Variants in DENND5B observed in about 807,000 individuals in gnomAD.
DENND5B encodes the protein DENN domain containing 5B, also known as DENN domain-containing protein 5B.
A neutral mutation model predicts 140.6 loss-of-function variants in DENND5B; 34 were observed. The observed-to-expected ratio is 0.24, with a 90% CI of 0.18 to 0.32. The LOEUF (loss-of-function observed/expected upper bound fraction) is 0.32, where lower values mean the gene tolerates loss of function less well. Among genes scored for constraint, DENND5B ranks in the 10% least tolerant of loss-of-function variants. The pLI is 1.00. For missense variants in DENND5B, 1,142 were observed against 1,560.2 expected (o/e 0.73, Z 4.52); for synonymous variants, 551 against 562.1 (o/e 0.98, Z 0.28).
intron 14 of DENND5B, among the ~76,000 whole-genome samples, chr12:31,408,239 C>T (rs1413872525): frequency 1.3e-5 from 2 of 152,040 alleles, no homozygotes; most frequent in African/African-American, 4.8e-5. Context: ...ACGGAGGTTG[C>T]AGTGAGCTGA....
At chr12:31,579,800 G>GGAGAGAA (rs1218154645) in intron 1 of DENND5B, among the ~76,000 whole-genome samples, 51 of 148,770 alleles carry the variant, frequency 3.4e-4, no homozygotes, top group African/African-American at 9.4e-4. Flanking sequence ...GAGGGAGGGA[G>GGAGAGAA]GAGAGAAGAG....
intron 7 of DENND5B, among the ~76,000 whole-genome samples, chr12:31,435,853 G>A (rs780560483): frequency 2.0e-5 from 3 of 152,046 alleles, no homozygotes; most frequent in Non-Finnish European, 2.9e-5. Context: ...TAGAGATGGG[G>A]TTTCACCATG....
At chr12:31,501,468 A>T (rs532445051) in intron 1 of DENND5B, among the ~76,000 whole-genome samples, 6 of 152,336 alleles carry the variant, frequency 3.9e-5, no homozygotes, top group African/African-American at 1.4e-4. Flanking sequence ...AATATTAAGT[A>T]AAAACTAAAG....
intron 7 of DENND5B, among the ~76,000 whole-genome samples, chr12:31,437,145 C>G (rs4931492): frequency 0.63 from 85,352 of 135,904 alleles, 24,778 homozygotes; most frequent in East Asian, 0.85. Context: ...CCTGCCCCCC[C>G]CTTTTTTTTT....
At chr12:31,501,153 G>A (rs1002509098) in intron 1 of DENND5B, among the ~76,000 whole-genome samples, 23 of 152,110 alleles carry the variant, frequency 1.5e-4, no homozygotes, top group African/African-American at 5.3e-4. Context: ...CCCACACACC[G>A]TGGGAGGGAC....
intron 1 of DENND5B, among the ~76,000 whole-genome samples, chr12:31,563,748 G>T (rs1371880728): frequency 1.3e-5 from 2 of 152,090 alleles, no homozygotes; most frequent in African/African-American, 4.8e-5. Context: ...TAAGAAACAT[G>T]CAAATGCCTT....
rs554410313 is a variant in DENND5B at position 31,494,767 on chromosome 12, C to T, written c.237+1043G>A. 5.3e-5 allele frequency among the ~76,000 whole-genome samples: 8 copies of T among 152,264 alleles called. No homozygotes were observed. In the South Asian group the frequency reaches 1.2e-3, roughly 24 times the overall value. On this transcript the variant is annotated intron_variant, in intron 2 of 20. Transcript: ENST00000389082. ...TCCTCCCACAACCAAACAGACTGAT[C>T]GTGGGCCATTACTTCATTTACATAG...
intron 4 of DENND5B, among the ~76,000 whole-genome samples, chr12:31,456,333 A>G (rs1401549277): frequency 1.8e-5 from 2 of 112,446 alleles, no homozygotes; most frequent in African/African-American, 5.7e-5. Flanking sequence ...CCGTCTCAAA[A>G]AAAAAAAAAA....
intron 3 of DENND5B, among the ~76,000 whole-genome samples, chr12:31,473,773 T>C (rs770194408): frequency 2.0e-5 from 3 of 152,180 alleles, no homozygotes; most frequent in Non-Finnish European, 4.4e-5. Flanking sequence ...AACACTCTAA[T>C]GGGAGAGGAC....
In DENND5B at chr12:31,452,446, G is replaced by C. The variant is rs1265393590; in HGVS notation, c.1123C>G (p.His375Asp). 1.2e-6 allele frequency: 2 copies of C among 1,604,908 alleles called. No individual in the cohort carries two copies. Among genetic ancestry groups the C allele is most frequent in the African/African-American group, 2.7e-5 (2 of 74,392 alleles). Residue 375 changes from histidine (H) to aspartate (D), a missense_variant, in exon 5 of 21, where the codon CAT (histidine) becomes GAT (aspartate). Physicochemically the swap from His to Asp is moderately conservative, Grantham distance 81. This residue lies in a region of DENND5B where 708 missense variants were observed against 905.5 expected (regional missense o/e 0.78). Transcript: ENST00000389082. ...ANLCFVDIDN[H>D]FIELPEEFPQ... ...AATTCTTCAGGCAACTCAATAAAAT[G>C]GTTGTCAATGTCCACAAAACACAAA...
intron 6 of DENND5B, among the ~76,000 whole-genome samples, chr12:31,447,263 C>T (rs573066936): frequency 6.6e-6 from 1 of 152,132 alleles, no homozygotes; most frequent in East Asian, 1.9e-4. Context: ...AGAGTGAGAA[C>T]CATCTCAAAA....
intron 1 of DENND5B, among the ~76,000 whole-genome samples, chr12:31,520,282 T>C (rs1008682445): frequency 1.3e-5 from 2 of 152,232 alleles, no homozygotes; most frequent in Admixed American, 6.5e-5. Context: ...TAATCAACTA[T>C]AGGGTGCTAT....
intron 1 of DENND5B, among the ~76,000 whole-genome samples, chr12:31,588,756 CG>C (rs1228629164): frequency 6.6e-6 from 1 of 152,164 alleles, no homozygotes; most frequent in Non-Finnish European, 1.5e-5. Flanking sequence ...TACACTAGAA[CG>C]TATGCTCCAT....
chr12:31,449,731 G>GTTTTTTGT (rs1555149744), intron 5 of DENND5B, among the ~76,000 whole-genome samples: 12 of 89,968 alleles, frequency 1.3e-4, no homozygotes, highest in African/African-American at 4.9e-4. Context: ...ACACAGATTA[G>GTTTTTTGT]TTTTTTTTTT....
intron 1 of DENND5B, among the ~76,000 whole-genome samples, chr12:31,531,778 C>T (rs1948295104): frequency 6.6e-6 from 1 of 152,116 alleles, no homozygotes; most frequent in African/African-American, 2.4e-5. Flanking sequence ...TTCCTTGATC[C>T]GCCCAGCAGA....
intron 1 of DENND5B, among the ~76,000 whole-genome samples, chr12:31,528,948 G>T (rs1244421809): frequency 6.6e-6 from 1 of 151,912 alleles, no homozygotes; most frequent in Non-Finnish European, 1.5e-5. Context: ...ACCACCTGAG[G>T]TCAGGAGTCC....
intron 8 of DENND5B, chr12:31,426,679 A>ACATTT: frequency 3.1e-6 from 1 of 320,880 alleles, no homozygotes; most frequent in South Asian, 4.3e-5. Flanking sequence ...AAGTGAGATG[A>ACATTT]CATTTCATTT....
Position 31,523,673 on chromosome 12 carries a change from G to T in DENND5B, c.128-27754C>A, listed in dbSNP as rs192341898. 6.6e-5 allele frequency among the ~76,000 whole-genome samples: 10 copies of T among 150,590 alleles called. No individual in the cohort carries two copies. The East Asian group carries it at 1.9e-3, about 29-fold the overall frequency. On this transcript the variant is annotated intron_variant, in intron 1 of 20. Transcript: ENST00000389082. ...GCCATTAAATTGTACACTTCAGAAT[G>T]GTTAACTTTATGTTATATAAATTTT...
rs183002355 is a variant in DENND5B, at chr12:31,540,490, C to T, written c.128-44571G>A. On this transcript the variant is annotated intron_variant, in intron 1 of 20. Transcript: ENST00000389082. Reference sequence around the variant, plus strand: ...CCAACATGGTAAGACATCGTCTCTACTAAAAATACAAAAATTAGCCAGGTG... The same window carrying T: ...CCAACATGGTAAGACATCGTCTCTATTAAAAATACAAAAATTAGCCAGGTG... Among the ~76,000 whole-genome samples, 126 of 152,176 alleles carry T rather than the reference C, an allele frequency of 8.3e-4. 6 individuals are homozygous for T. The East Asian group carries it at 0.021, about 26-fold the overall frequency.
Sources: allele counts gnomAD v4.1 joint callset (sites outside exome capture counted in the v4.1 genomes callset), GRCh38; gene constraint gnomAD v4.1.1; regional missense constraint gnomAD v4.1.1; transcripts MANE v1.5; gene names NCBI Gene and HGNC (gene_info 2026-07-23, HGNC 2026-07-21).